Variants in SOX6 observed in about 807,000 individuals in gnomAD.
The protein encoded by SOX6 is transcription factor SOX-6.
Under a neutral mutation model 97.8 loss-of-function variants are expected in SOX6, and 11 were observed. That is an observed-to-expected ratio of 0.11 (90% CI 0.07 to 0.19). SOX6 has a LOEUF of 0.19. Among genes scored for constraint, SOX6 ranks in the 10% least tolerant of loss-of-function variants. The probability of loss-of-function intolerance (pLI) is 1.00; values close to 1 mark genes in which losing one functional copy is unlikely to be tolerated. For missense variants in SOX6, 810 were observed against 1,039.5 expected (o/e 0.78, Z 3.04); for synonymous variants, 360 against 371.4 (o/e 0.97, Z 0.35).
At chr11:16,121,584 G>C (rs1849490760) in intron 6 of SOX6, among the ~76,000 whole-genome samples, 1 of 151,868 alleles carries the variant, frequency 6.6e-6, no homozygotes, top group African/African-American at 2.4e-5. Context: ...TTTGGAATAA[G>C]GTCAACAGAG....
At chr11:16,539,252 A>C (rs1380124738) in intron 4 of SOX6, among the ~76,000 whole-genome samples, 1 of 152,204 alleles carries the variant, frequency 6.6e-6, no homozygotes, top group Non-Finnish European at 1.5e-5. Flanking sequence ...GCAGAAATAA[A>C]GATGTCCTTT....
intron 6 of SOX6, among the ~76,000 whole-genome samples, chr11:16,169,048 T>C (rs1480423690): frequency 1.3e-5 from 2 of 152,198 alleles, no homozygotes; most frequent in Non-Finnish European, 2.9e-5. Context: ...AATTTTTCTA[T>C]ATTAAAAAGT....
chr11:16,101,363 A>T (rs116619267), intron 7 of SOX6, among the ~76,000 whole-genome samples: 1 of 151,624 alleles, frequency 6.6e-6, no homozygotes, highest in Non-Finnish European at 1.5e-5. Context: ...ATTAGCAAGG[A>T]TTATAATATA....
intron 12 of SOX6, among the ~76,000 whole-genome samples, chr11:16,033,096 A>G (rs1391214013): frequency 6.6e-6 from 1 of 152,176 alleles, no homozygotes; most frequent in East Asian, 1.9e-4. Context: ...TAGGTCAGAA[A>G]GAGACCAGTC....
chr11:16,482,232 T>C (rs893051355), intron 4 of SOX6, among the ~76,000 whole-genome samples: 3 of 152,228 alleles, frequency 2.0e-5, no homozygotes, highest in African/African-American at 7.2e-5. Flanking sequence ...AATTGCAATA[T>C]GGAATCTAAA....
intron 3 of SOX6, 98 bp from the exon 4 acceptor site, chr11:16,234,769 G>GTTT (rs1480744334): frequency 1.7e-5 from 11 of 659,712 alleles, no homozygotes; most frequent in Non-Finnish European, 2.7e-5. Context: ...GCATAAAGCT[G>GTTT]TTTTTGTTGC....
At chr11:16,588,448 C>T (rs1412268888) in intron 4 of SOX6, among the ~76,000 whole-genome samples, 1 of 152,118 alleles carries the variant, frequency 6.6e-6, no homozygotes, top group Admixed American at 6.5e-5. Context: ...AAAGAGAGTA[C>T]TGATAATAAT....
Position 16,410,691 on chromosome 11 carries a change from C to G in SOX6, c.-5+65624G>C, listed in dbSNP as rs536955458. Among the ~76,000 whole-genome samples the G allele has an allele frequency of 4.4e-4, 62 of 141,668 alleles. 1 individual carries two copies. Among genetic ancestry groups the G allele is most frequent in the South Asian group, 1.5e-3 (7 of 4,546 alleles). The allele number at this position is 141,668 out of a possible 152,430, so 92.9% of individuals were successfully genotyped here. A position where few individuals can be genotyped will look rare whatever the true frequency, so the allele number is the denominator to read the frequency against. On this transcript the variant is annotated intron_variant, in intron 1 of 15. Coordinates refer to the SOX6 transcript ENST00000396356. ...GGAGAATCACTTGGGCCTGGGAGGT[C>G]GAGACTGCAGTGAGTCATGATCATG...
intron 6 of SOX6, among the ~76,000 whole-genome samples, chr11:16,120,830 A>G (rs1285105462): frequency 6.6e-6 from 1 of 152,104 alleles, no homozygotes; most frequent in Non-Finnish European, 1.5e-5. Flanking sequence ...GTGCTTTAAG[A>G]TAACTATTTA....
intron 4 of SOX6, among the ~76,000 whole-genome samples, chr11:16,522,027 A>G (rs1381226594): frequency 2.0e-5 from 3 of 152,172 alleles, no homozygotes; most frequent in South Asian, 2.1e-4. Flanking sequence ...AAGTGACAGG[A>G]AGAATGGAAC....
At position 15,980,348 on chromosome 11, in the gene SOX6, A is replaced by G. The variant is rs532656658; in HGVS notation, c.2183+5856T>C. Among the ~76,000 whole-genome samples the G allele has an allele frequency of 3.3e-5, 5 of 152,172 alleles. No homozygotes were observed. In the South Asian group the frequency reaches 1.0e-3, roughly 32 times the overall value. ...TCTCTACCCTTGGAAGAGTTCAAGA[A>G]CTTAGGGAAGACTCCTCCAATGGCT... is the stretch of plus-strand genomic sequence containing the variant. On this transcript the variant is annotated intron_variant, in intron 15 of 15. Coordinates refer to ENST00000683767, the MANE Select transcript of SOX6 (RefSeq NM_001367873.1).
At chr11:16,611,016 G>A (rs1462601187) in intron 4 of SOX6, among the ~76,000 whole-genome samples, 1 of 152,196 alleles carries the variant, frequency 6.6e-6, no homozygotes, top group Admixed American at 6.5e-5. Flanking sequence ...GGGAAGGAGG[G>A]GCGAGCGGGT....
intron 3 of SOX6, chr11:16,283,945 T>C (rs1358761644): frequency 7.2e-6 from 3 of 419,342 alleles, no homozygotes; most frequent in Non-Finnish European, 1.4e-5. Context: ...ATGACCAAAT[T>C]CAGAGTATAA....
chr11:16,502,153 T>G (rs995144465), intron 4 of SOX6, among the ~76,000 whole-genome samples: 6 of 152,180 alleles, frequency 3.9e-5, no homozygotes, highest in Admixed American at 3.9e-4. Flanking sequence ...TGAGTTCATG[T>G]CCTTTGTAGG....
intron 4 of SOX6, among the ~76,000 whole-genome samples, chr11:16,513,101 C>T (rs891523463): frequency 1.3e-5 from 2 of 152,144 alleles, no homozygotes; most frequent in African/African-American, 4.8e-5. Flanking sequence ...GTTTCTACAA[C>T]ACATTGTTAG....
chr11:16,547,857 A>G (rs1249598529), intron 4 of SOX6, among the ~76,000 whole-genome samples: 3 of 152,208 alleles, frequency 2.0e-5, no homozygotes, highest in Non-Finnish European at 4.4e-5. Context: ...ATCATTACAC[A>G]TTCTATGCGT....
intron 12 of SOX6, among the ~76,000 whole-genome samples, chr11:16,040,592 A>G (rs934482799): frequency 6.6e-6 from 1 of 152,092 alleles, no homozygotes; most frequent in Non-Finnish European, 1.5e-5. Flanking sequence ...AATATGTATG[A>G]AGCACATATA....
At chr11:16,354,556 G>A (rs960040808) in intron 1 of SOX6, among the ~76,000 whole-genome samples, 1 of 152,004 alleles carries the variant, frequency 6.6e-6, no homozygotes, top group African/African-American at 2.4e-5. Context: ...GAAGACCAAA[G>A]CCTACAGCAT....
rs1451413729 is a variant in SOX6, at chr11:16,055,673, C to T, written c.1251+79G>A. 3 of 1,570,938 alleles carry T rather than the reference C, an allele frequency of 1.9e-6. No individual in the cohort carries two copies. In the South Asian group the frequency reaches 3.4e-5, roughly 18 times the overall value. Reference sequence around the variant, plus strand: ...GTTGCTATGTTTCCTGCTGTTTATGCCCAACATAGCCTGCTTCACTATCTT... The same window carrying T: ...GTTGCTATGTTTCCTGCTGTTTATGTCCAACATAGCCTGCTTCACTATCTT... On this transcript the variant is annotated intron_variant, in intron 10 of 15. Transcript: ENST00000683767.
Sources: gnomAD v4.1 joint callset for allele counts (sites outside exome capture counted in the v4.1 genomes callset) on GRCh38, gnomAD v4.1.1 for gene constraint, MANE v1.5 for transcripts, NCBI Gene and HGNC (gene_info 2026-07-23, HGNC 2026-07-21) for gene names.